Variants in DCUN1D1 observed in about 807,000 individuals in gnomAD.
The protein encoded by DCUN1D1 is defective in cullin neddylation 1 domain containing 1, also known as DCN1-like protein 1.
In DCUN1D1, 3 loss-of-function variants were observed where a neutral mutation model predicts 39.0. The ratio of observed to expected loss-of-function variants is 0.08; its 90% CI spans 0.04 to 0.20. The LOEUF is 0.20. DCUN1D1 is among the 10% of genes least tolerant of loss of function. The pLI is 1.00. For missense variants in DCUN1D1, 158 were observed against 302.4 expected, an observed-to-expected ratio of 0.52 and a Z score of 3.54; for synonymous variants, 82 against 96.3, an observed-to-expected ratio of 0.85 and a Z score of 0.87.
At chr3:182,959,601 T>TA (rs1383326766) in intron 4 of DCUN1D1, among the ~76,000 whole-genome samples, 4 of 148,146 alleles carry the variant, frequency 2.7e-5, no homozygotes, top group African/African-American at 9.9e-5. Context: ...TTAAGGATAA[T>TA]AAACTGCTAG....
chr3:182,972,216 T>G (rs1372682154), intron 1 of DCUN1D1, among the ~76,000 whole-genome samples: 2 of 151,444 alleles, frequency 1.3e-5, no homozygotes, highest in Non-Finnish European at 2.9e-5. Flanking sequence ...GTACACAGGT[T>G]GAAAAAAAAA....
At chr3:182,980,044 C>A (rs973072981) in intron 1 of DCUN1D1, 1 of 469,488 alleles carries the variant, frequency 2.1e-6, no homozygotes. Context: ...GAGAGGGAAG[C>A]CCCGGCTTCG....
intron 1 of DCUN1D1, among the ~76,000 whole-genome samples, chr3:182,972,711 G>A (rs1728005092): frequency 6.6e-6 from 1 of 151,898 alleles, no homozygotes; most frequent in Non-Finnish European, 1.5e-5. Context: ...ACTAACTCCA[G>A]CCTAAACAAC....
chr3:182,980,534 C>T lies in DCUN1D1; in HGVS notation c.-45G>A. On this transcript the variant is annotated 5_prime_UTR_variant, in exon 1 of 7. Transcript: ENST00000292782. ...CTCCCCTCCTCCTCCGGCTCCGCAG[C>T]GAATGGACGGCGGCGGCGGCGGCGG... 8.1e-7 allele frequency: 1 copy of T among 1,230,212 alleles called. No individual in the cohort carries two copies. Among genetic ancestry groups the T allele is most frequent in the Non-Finnish European group, 1.0e-6 (1 of 968,128 alleles). The allele number at this position is 1,230,212 out of a possible 1,614,324, so 76.2% of individuals were successfully genotyped here. A position where few individuals can be genotyped will look rare whatever the true frequency, so the allele number is the denominator to read the frequency against.
intron 1 of DCUN1D1, among the ~76,000 whole-genome samples, chr3:182,975,690 A>C (rs997297589): frequency 2.7e-5 from 4 of 146,586 alleles, no homozygotes; most frequent in Non-Finnish European, 5.9e-5. Flanking sequence ...GTTAAAAAAA[A>C]AAAAAAACAA....
intron 4 of DCUN1D1, among the ~76,000 whole-genome samples, chr3:182,953,750 G>A (rs1260684203): frequency 6.6e-6 from 1 of 152,082 alleles, no homozygotes; most frequent in Non-Finnish European, 1.5e-5. Flanking sequence ...TAAAATAAAT[G>A]GAAGGCAAAT....
At chr3:182,965,061 A>G (rs1727602213) in intron 2 of DCUN1D1, among the ~76,000 whole-genome samples, 1 of 152,236 alleles carries the variant, frequency 6.6e-6, no homozygotes, top group Non-Finnish European at 1.5e-5. Context: ...AAAACTTTGA[A>G]AGAAACTCTG....
chr3:182,964,149 C>A (rs528558028), intron 2 of DCUN1D1, 100 bp from the exon 3 acceptor site: 13 of 904,504 alleles, frequency 1.4e-5, no homozygotes, highest in Non-Finnish European at 2.2e-5. Flanking sequence ...TAAATGACCA[C>A]AATATATGGA....
Position 182,943,556 on chromosome 3 carries a change from G to A in DCUN1D1, c.*1538C>T, listed in dbSNP as rs563999124. On this transcript the variant is annotated 3_prime_UTR_variant, in exon 7 of 7. Transcript: ENST00000292782. ...AATAATTTCCATATTTGCATAAAAT[G>A]TACTGCTATTCTAAGTACATTCCTT... 6.6e-6 allele frequency: 1 copy of A among 152,250 alleles called. No homozygotes were observed. Among genetic ancestry groups the A allele is most frequent in the Non-Finnish European group, 1.5e-5 (1 of 67,994 alleles). The allele number at this position is 152,250 out of a possible 1,614,324, so 9.4% of individuals were successfully genotyped here.
chr3:182,982,683 C>G (rs1358134192), upstream of DCUN1D1, among the ~76,000 whole-genome samples: 1 of 152,142 alleles, frequency 6.6e-6, no homozygotes, highest in Non-Finnish European at 1.5e-5. Context: ...AGTTCTGTCA[C>G]CCAGGCTGGA....
intron 1 of DCUN1D1, among the ~76,000 whole-genome samples, chr3:182,976,372 C>A (rs1327801994): frequency 6.6e-6 from 1 of 151,668 alleles, no homozygotes; most frequent in East Asian, 1.9e-4. Flanking sequence ...CCATGCCTAC[C>A]CCCACTCCTT....
intron 1 of DCUN1D1, among the ~76,000 whole-genome samples, chr3:182,969,609 A>G (rs1445147852): frequency 6.6e-6 from 1 of 152,252 alleles, no homozygotes; most frequent in Non-Finnish European, 1.5e-5. Flanking sequence ...ATTAAATAAG[A>G]TCAGGCAATA....
chr3:182,955,017 G>A (rs1726958896), intron 4 of DCUN1D1, among the ~76,000 whole-genome samples: 1 of 150,812 alleles, frequency 6.6e-6, no homozygotes, highest in Non-Finnish European at 1.5e-5. Flanking sequence ...TCAGAAGTTG[G>A]TCAGAATTTC....
chr3:182,953,916 T>G (rs2108633946), intron 4 of DCUN1D1, among the ~76,000 whole-genome samples: 1 of 152,290 alleles, frequency 6.6e-6, no homozygotes, highest in Non-Finnish European at 1.5e-5. Flanking sequence ...AAGAATAATG[T>G]GGTATTTCAC....
At chr3:182,963,158 A>G (rs559928922) in intron 3 of DCUN1D1, among the ~76,000 whole-genome samples, 1 of 152,268 alleles carries the variant, frequency 6.6e-6, no homozygotes, top group African/African-American at 2.4e-5. Flanking sequence ...CTCTAATACT[A>G]CCTAATTCTA....
In DCUN1D1 at chr3:182,967,107, C is replaced by T. The variant is rs968008728; in HGVS notation, c.4-1354G>A. ...GGGGGACAAGAGCGAGGCTTCACCT[C>T]CAAACAAACAAACAAAAAAACTATA... On this transcript the variant is annotated intron_variant, in intron 1 of 6. Transcript: ENST00000292782. 2.1e-5 allele frequency among the ~76,000 whole-genome samples: 3 copies of T among 142,924 alleles called. No homozygotes were observed. In the Admixed American group the frequency reaches 2.1e-4, roughly 10 times the overall value. The allele number at this position is 142,924 out of a possible 152,430, so 93.8% of individuals were successfully genotyped here.
intron 1 of DCUN1D1, among the ~76,000 whole-genome samples, chr3:182,977,433 C>T (rs1029161341): frequency 6.6e-6 from 1 of 151,986 alleles, no homozygotes; most frequent in Non-Finnish European, 1.5e-5. Flanking sequence ...ACAACCCACA[C>T]GTTTTGAACA....
At chr3:182,969,440 G>A (rs1727827288) in intron 1 of DCUN1D1, among the ~76,000 whole-genome samples, 1 of 152,150 alleles carries the variant, frequency 6.6e-6, no homozygotes, top group Non-Finnish European at 1.5e-5. Context: ...AATTGAGGTG[G>A]AAGAAAAAAC....
At chr3:182,966,673 C>T (rs934444306) in intron 1 of DCUN1D1, among the ~76,000 whole-genome samples, 1 of 152,208 alleles carries the variant, frequency 6.6e-6, no homozygotes, top group African/African-American at 2.4e-5. Context: ...AAGCCGGCCT[C>T]CTAGCAACTG....
Sources: gnomAD v4.1 joint callset for allele counts (sites outside exome capture counted in the v4.1 genomes callset) on GRCh38, gnomAD v4.1.1 for gene constraint, MANE v1.5 for transcripts, NCBI Gene and HGNC (gene_info 2026-07-23, HGNC 2026-07-21) for gene names.